Variants in NRXN3 observed in about 807,000 individuals in gnomAD.
The protein encoded by NRXN3 is neurexin 3, also known as neurexin III.
In NRXN3, 32 loss-of-function variants were observed where a neutral mutation model predicts 137.6. That is an observed-to-expected ratio of 0.23 (90% CI 0.18 to 0.31). The LOEUF (loss-of-function observed/expected upper bound fraction) is 0.31. Among genes scored for constraint, NRXN3 ranks in the 10% least tolerant of loss-of-function variants. NRXN3 has a pLI of 1.00. For missense variants in NRXN3, 1,574 were observed against 2,062.5 expected, an observed-to-expected ratio of 0.76 and a Z score of 4.59; for synonymous variants, 798 against 784.5, an observed-to-expected ratio of 1.02 and a Z score of -0.29.
At chr14:78,427,100 G>A (rs897936473) in intron 4 of NRXN3, among the ~76,000 whole-genome samples, 1 of 152,090 alleles carries the variant, frequency 6.6e-6, no homozygotes, top group African/African-American at 2.4e-5. Flanking sequence ...GAAGGTAAGG[G>A]CAAGTCTAGG....
intron 16 of NRXN3, among the ~76,000 whole-genome samples, chr14:79,514,838 T>C (rs1447825838): frequency 2.0e-5 from 3 of 151,108 alleles, no homozygotes; most frequent in Non-Finnish European, 4.4e-5. Flanking sequence ...GGAAGTCAAA[T>C]GACTGCTTCT....
At chr14:78,594,498 G>A (rs550609006) in intron 4 of NRXN3, among the ~76,000 whole-genome samples, 1 of 152,192 alleles carries the variant, frequency 6.6e-6, no homozygotes, top group South Asian at 2.1e-4. Flanking sequence ...CCCAGGTCAT[G>A]GTGAGTGATG....
At chr14:78,836,985 A>T (rs1371556175) in intron 10 of NRXN3, among the ~76,000 whole-genome samples, 1 of 152,096 alleles carries the variant, frequency 6.6e-6, no homozygotes, top group African/African-American at 2.4e-5. Flanking sequence ...TGAAGGCTGG[A>T]GTCTGTGAAG....
Position 79,011,310 on chromosome 14 carries a change from C to G in NRXN3, c.3262+23169C>G, listed in dbSNP as rs1249996676. 3.3e-5 allele frequency among the ~76,000 whole-genome samples: 5 copies of G among 151,560 alleles called. No individual in the cohort carries two copies. In the South Asian group the frequency reaches 1.0e-3, roughly 32 times the overall value. ...GTAAAAGTGATTGTTTTCTATTTTG[C>G]CCACTAGGTGGCGCTTTGGTCTCAC... On this transcript the variant is annotated intron_variant, in intron 15 of 20. Transcript: ENST00000335750.
intron 15 of NRXN3, among the ~76,000 whole-genome samples, chr14:79,133,065 C>T (rs368249505): frequency 6.6e-6 from 1 of 152,222 alleles, no homozygotes; most frequent in Non-Finnish European, 1.5e-5. Flanking sequence ...ATGGACAGCA[C>T]TCTTTGCAGC....
At chr14:78,920,638 A>G (rs546214139) in intron 10 of NRXN3, among the ~76,000 whole-genome samples, 36 of 152,258 alleles carry the variant, frequency 2.4e-4, no homozygotes, top group African/African-American at 8.2e-4. Flanking sequence ...GACACTGTAC[A>G]TGGAGTGCTC....
At chr14:79,443,586 A>G (rs2096004891) in intron 15 of NRXN3, among the ~76,000 whole-genome samples, 1 of 152,210 alleles carries the variant, frequency 6.6e-6, no homozygotes, top group South Asian at 2.1e-4. Context: ...AGATTGAACT[A>G]AAATTCTGGT....
intron 19 of NRXN3, among the ~76,000 whole-genome samples, chr14:79,710,896 G>C (rs1165109378): frequency 6.6e-6 from 1 of 152,184 alleles, no homozygotes; most frequent in Non-Finnish European, 1.5e-5. Context: ...GGAACACACA[G>C]TCTGGTACTG....
At chr14:78,741,269 C>G (rs760151538) in intron 8 of NRXN3, among the ~76,000 whole-genome samples, 1 of 152,168 alleles carries the variant, frequency 6.6e-6, no homozygotes, top group Non-Finnish European at 1.5e-5. Context: ...TTCCCTCCCT[C>G]TCCCTCTTTT....
intron 15 of NRXN3, among the ~76,000 whole-genome samples, chr14:79,226,007 C>T (rs903427098): frequency 6.6e-6 from 1 of 152,120 alleles, no homozygotes; most frequent in Admixed American, 6.5e-5. Flanking sequence ...TCCCTTTCTT[C>T]AGGTTGGCTG....
intron 15 of NRXN3, among the ~76,000 whole-genome samples, chr14:79,006,316 T>C (rs2099552699): frequency 6.6e-6 from 1 of 151,322 alleles, no homozygotes; most frequent in Non-Finnish European, 1.5e-5. Flanking sequence ...AAAATAGGTG[T>C]GGTAAATGGC....
intron 15 of NRXN3, among the ~76,000 whole-genome samples, chr14:79,271,331 T>G (rs958412345): frequency 6.6e-6 from 1 of 152,164 alleles, no homozygotes; most frequent in African/African-American, 2.4e-5. Flanking sequence ...AAATAAAGAA[T>G]GTGGCTTCCA....
At chr14:79,465,127 C>T (rs1285857545) in intron 15 of NRXN3, among the ~76,000 whole-genome samples, 1 of 152,058 alleles carries the variant, frequency 6.6e-6, no homozygotes, top group Admixed American at 6.6e-5. Flanking sequence ...CACTGAGTAA[C>T]CTTCAGTTTT....
chr14:78,192,995 T>C (rs1401545078), intron 1 of NRXN3, among the ~76,000 whole-genome samples: 1 of 152,194 alleles, frequency 6.6e-6, no homozygotes, highest in Non-Finnish European at 1.5e-5. Context: ...AGAGAAAGTT[T>C]AGAAAGCCTG....
At chr14:79,272,211 T>G (rs2079445937) in intron 15 of NRXN3, among the ~76,000 whole-genome samples, 1 of 117,566 alleles carries the variant, frequency 8.5e-6, no homozygotes, top group African/African-American at 3.7e-5. Context: ...TCTAATTTGG[T>G]TTAGGTTTTT....
At chr14:79,468,839 A>G (rs1158261430) in intron 16 of NRXN3, among the ~76,000 whole-genome samples, 2 of 152,224 alleles carry the variant, frequency 1.3e-5, no homozygotes, top group Non-Finnish European at 2.9e-5. Context: ...ATCACCTTCA[A>G]AATGTGGTGG....
intron 1 of NRXN3, among the ~76,000 whole-genome samples, chr14:78,208,852 A>G (rs574655457): frequency 1.4e-3 from 207 of 152,342 alleles, no homozygotes; most frequent in Admixed American, 2.7e-3. Flanking sequence ...CCACTAATAC[A>G]GCCATTATGT....
intron 8 of NRXN3, among the ~76,000 whole-genome samples, chr14:78,741,982 C>A (rs2152928721): frequency 6.6e-6 from 1 of 152,242 alleles, no homozygotes; most frequent in East Asian, 1.9e-4. Context: ...ATGTTGGTGT[C>A]TTTGAACCCT....
chr14:79,211,021 T>C (rs970276089), intron 15 of NRXN3, among the ~76,000 whole-genome samples: 7 of 152,102 alleles, frequency 4.6e-5, no homozygotes, highest in Non-Finnish European at 1.5e-5. Flanking sequence ...AAATAGAAAA[T>C]GTGGTCGCTA....
Sources: allele counts gnomAD v4.1 joint callset (sites outside exome capture counted in the v4.1 genomes callset), GRCh38; gene constraint gnomAD v4.1.1; transcripts MANE v1.5; gene names NCBI Gene and HGNC (gene_info 2026-07-23, HGNC 2026-07-21).